Variants in RIMS1 observed in about 807,000 individuals in gnomAD.
The protein encoded by RIMS1 is regulating synaptic membrane exocytosis protein 1.
A neutral mutation model predicts 214.1 loss-of-function variants in RIMS1; 83 were observed. The observed-to-expected ratio is 0.39, with a 90% CI of 0.32 to 0.47. The LOEUF (loss-of-function observed/expected upper bound fraction) is 0.47, where lower values mean the gene tolerates loss of function less well. RIMS1 is among the 20% of genes least tolerant of loss of function. RIMS1 has a pLI of 0.99. For synonymous variants in RIMS1, 793 were observed against 786.8 expected, an observed-to-expected ratio of 1.01 and a Z score of -0.13; for missense variants, 2,050 against 2,161.8, an observed-to-expected ratio of 0.95 and a Z score of 1.03.
At chr6:72,275,434 C>T (rs2085868599) in intron 23 of RIMS1, among the ~76,000 whole-genome samples, 1 of 151,394 alleles carries the variant, frequency 6.6e-6, no homozygotes, top group Non-Finnish European at 1.5e-5. Flanking sequence ...TATTTGTAAA[C>T]AATCAAGATA....
intron 29 of RIMS1, among the ~76,000 whole-genome samples, chr6:72,339,447 C>T (rs917933927): frequency 1.3e-5 from 2 of 151,670 alleles, no homozygotes; most frequent in Admixed American, 6.6e-5. Context: ...CCCCACCCCA[C>T]AACAGTCCCC....
intron 2 of RIMS1, among the ~76,000 whole-genome samples, chr6:71,973,124 G>A (rs1327139327): frequency 2.0e-5 from 3 of 152,162 alleles, no homozygotes; most frequent in African/African-American, 7.2e-5. Context: ...TGGTCAGGCT[G>A]GTCTTGAACT....
At chr6:71,954,775 T>C (rs577353164) in intron 1 of RIMS1, among the ~76,000 whole-genome samples, 4 of 151,796 alleles carry the variant, frequency 2.6e-5, no homozygotes, top group East Asian at 1.9e-4. Context: ...GTCTGATGAG[T>C]GTTCACAGTT....
intron 1 of RIMS1, among the ~76,000 whole-genome samples, chr6:71,932,847 T>C (rs567661172): frequency 1.3e-4 from 20 of 152,108 alleles, no homozygotes; most frequent in South Asian, 1.2e-3. Context: ...AGTGACATGT[T>C]TGGAAAAAAA....
At chr6:72,030,608 A>C (rs1361539671) in intron 2 of RIMS1, among the ~76,000 whole-genome samples, 1 of 152,164 alleles carries the variant, frequency 6.6e-6, no homozygotes, top group Non-Finnish European at 1.5e-5. Context: ...ACACAATTAC[A>C]TTTTAATTAT....
intron 2 of RIMS1, among the ~76,000 whole-genome samples, chr6:71,993,185 G>C (rs1439937418): frequency 6.6e-6 from 1 of 152,206 alleles, no homozygotes; most frequent in Non-Finnish European, 1.5e-5. Flanking sequence ...TCTGTTAAGA[G>C]AGGTTTTTAA....
chr6:72,108,233 T>C (rs1345535675), intron 4 of RIMS1, among the ~76,000 whole-genome samples: 1 of 149,584 alleles, frequency 6.7e-6, no homozygotes. Context: ...TACAGGTGCC[T>C]GCCACCATGC....
At chr6:72,243,865 G>A (rs193248903) in intron 10 of RIMS1, among the ~76,000 whole-genome samples, 52 of 151,122 alleles carry the variant, frequency 3.4e-4, no homozygotes, top group African/African-American at 9.7e-4. Context: ...AGAATTCAAA[G>A]GACATGGAAT....
intron 2 of RIMS1, among the ~76,000 whole-genome samples, chr6:72,012,350 G>A (rs902447662): frequency 6.6e-6 from 1 of 152,092 alleles, no homozygotes; most frequent in Admixed American, 6.5e-5. Flanking sequence ...GAAAGAGGGT[G>A]GGATAGCATT....
intron 29 of RIMS1, among the ~76,000 whole-genome samples, chr6:72,373,353 G>A (rs1244502762): frequency 1.3e-5 from 2 of 152,168 alleles, no homozygotes; most frequent in East Asian, 1.9e-4. Flanking sequence ...GTGAATTACA[G>A]TGTTTTCCTT....
chr6:72,118,299 C>T (rs1010052696), intron 4 of RIMS1, among the ~76,000 whole-genome samples: 9 of 150,814 alleles, frequency 6.0e-5, no homozygotes, highest in Non-Finnish European at 1.3e-4. Flanking sequence ...TCCACTGATT[C>T]CCCCTGTTAT....
chr6:72,069,449 C>G (rs1200061398), intron 2 of RIMS1, among the ~76,000 whole-genome samples: 1 of 152,196 alleles, frequency 6.6e-6, no homozygotes, highest in East Asian at 1.9e-4. Flanking sequence ...TGATAAATAT[C>G]AGATTGAAAT....
intron 26 of RIMS1, among the ~76,000 whole-genome samples, chr6:72,298,309 A>G (rs1002595857): frequency 3.3e-5 from 5 of 152,002 alleles, no homozygotes; most frequent in Non-Finnish European, 7.4e-5. Context: ...TTATCTCATT[A>G]TATTTTCACA....
At chr6:72,040,303 A>G (rs1388126328) in intron 2 of RIMS1, among the ~76,000 whole-genome samples, 3 of 152,042 alleles carry the variant, frequency 2.0e-5, no homozygotes, top group Non-Finnish European at 2.9e-5. Context: ...GTTTTCAGCC[A>G]TCTGTTGTTT....
chr6:72,203,131 G>T (rs1189153803), intron 6 of RIMS1, among the ~76,000 whole-genome samples: 1 of 152,072 alleles, frequency 6.6e-6, no homozygotes, highest in Non-Finnish European at 1.5e-5. Context: ...GGGATTACAG[G>T]TGCCTGCCAC....
intron 2 of RIMS1, among the ~76,000 whole-genome samples, chr6:72,026,930 A>G (rs1055424218): frequency 2.0e-5 from 3 of 152,166 alleles, no homozygotes; most frequent in Non-Finnish European, 4.4e-5. Flanking sequence ...CATATTAGAA[A>G]ATTTGGAATG....
At chr6:72,209,806 C>T (rs573772892) in intron 6 of RIMS1, among the ~76,000 whole-genome samples, 2 of 148,348 alleles carry the variant, frequency 1.3e-5, no homozygotes, top group African/African-American at 4.9e-5. Context: ...GAGGCTGAGG[C>T]AGGAGAATGG....
Position 72,250,951 on chromosome 6 carries a change from A to T in RIMS1, c.2403A>T (p.Val801=). Residue 801 remains valine, a synonymous_variant, in exon 14 of 34, where the codon GTA becomes GTT. Transcript: ENST00000521978. The part of the protein sequence containing the change: ...SDKSKRRTKT[V]KKILEPKWNQ... ...AAAGTAAAAGGAGGACCAAAACAGT[A>T]AAGAAAATACTAGAACCAAAATGGA... The T allele has an allele frequency of 6.5e-7, 1 of 1,533,518 alleles. No homozygotes were observed. The highest frequency in any genetic ancestry group is 8.8e-7 in the Non-Finnish European group (1 of 1,139,898). 95.0% of individuals were successfully genotyped at this position (1,533,518 alleles called of 1,614,324 possible).
intron 3 of RIMS1, among the ~76,000 whole-genome samples, chr6:72,098,483 C>T (rs753244289): frequency 1.7e-4 from 26 of 151,904 alleles, no homozygotes; most frequent in Non-Finnish European, 2.8e-4. Flanking sequence ...TCAGTAGAGA[C>T]GGGGTTTCAC....
Sources: allele counts gnomAD v4.1 joint callset (sites outside exome capture counted in the v4.1 genomes callset), GRCh38; gene constraint gnomAD v4.1.1; transcripts MANE v1.5; gene names NCBI Gene and HGNC (gene_info 2026-07-23, HGNC 2026-07-21).